The following SLC60A2 variants were observed in gnomAD, a reference collection of about 807,000 sequenced individuals.
SLC60A2 encodes major facilitator superfamily domain containing 4B.
At chr6:111,272,447 A>G in the SLC60A2 span, among the ~76,000 whole-genome samples, 1 of 151,416 alleles carries the variant, frequency 6.6e-6, no homozygotes, top group Non-Finnish European at 1.5e-5. Context: ...TATATACTGG[A>G]TTATTGAACT....
At chr6:111,279,613 G>T in the SLC60A2 span, among the ~76,000 whole-genome samples, 1 of 152,136 alleles carries the variant, frequency 6.6e-6, no homozygotes, top group Non-Finnish European at 1.5e-5. Context: ...CTCCACTGCT[G>T]CTTGGTCCAG....
the SLC60A2 span, chr6:111,265,577 G>A: frequency 6.0e-6 from 1 of 166,402 alleles, no homozygotes; most frequent in South Asian, 2.0e-4. Flanking sequence ...GCAGTCTGAT[G>A]TTAGAACTGT....
chr6:111,270,250 G>A, the SLC60A2 span: 3 of 152,144 alleles, frequency 2.0e-5, no homozygotes, highest in African/African-American at 7.2e-5. Flanking sequence ...CCATATTCTA[G>A]CGTCTAGAAG....
At chr6:111,266,167 G>GT in the SLC60A2 span, 1 of 1,604,688 alleles carries the variant, frequency 6.2e-7, no homozygotes, top group Non-Finnish European at 8.5e-7. Context: ...ATTTTTTTTT[G>GT]TCTGTTTTTA....
the SLC60A2 span, chr6:111,268,772 A>T: frequency 1.3e-5 from 2 of 152,166 alleles, no homozygotes. Flanking sequence ...CAGTGATTGG[A>T]ATACTTGTGT....
the SLC60A2 span, among the ~76,000 whole-genome samples, chr6:111,274,323 T>C: frequency 4.6e-5 from 7 of 152,260 alleles, no homozygotes. Flanking sequence ...TATTCTTGCC[T>C]GGTTTTGGTT....
At chr6:111,275,878 G>A in the SLC60A2 span, among the ~76,000 whole-genome samples, 4 of 152,158 alleles carry the variant, frequency 2.6e-5, no homozygotes, top group African/African-American at 9.7e-5. Flanking sequence ...CTCATCCACA[G>A]AACGTTTTTT....
At chr6:111,275,497 G>GC in the SLC60A2 span, among the ~76,000 whole-genome samples, 2 of 150,938 alleles carry the variant, frequency 1.3e-5, no homozygotes, top group Non-Finnish European at 2.9e-5. Flanking sequence ...GCAACCTCCA[G>GC]CTCCTGGGTT....
the SLC60A2 span, among the ~76,000 whole-genome samples, chr6:111,273,794 C>T: frequency 6.6e-5 from 10 of 152,168 alleles, no homozygotes; most frequent in East Asian, 1.9e-4. Context: ...GGCACAATTA[C>T]GGCTCACTGT....
chr6:111,269,691 G>A, the SLC60A2 span: 3 of 152,172 alleles, frequency 2.0e-5, no homozygotes, highest in Non-Finnish European at 4.4e-5. Flanking sequence ...CTCAGGGAGA[G>A]AAGGATGATG....
At chr6:111,271,167 C>CAAAAAAAAAAAAAAAAAAAAAAAAAA in the SLC60A2 span, 1 of 73,582 alleles carries the variant, frequency 1.4e-5, no homozygotes, top group Non-Finnish European at 2.4e-5. Context: ...GACTCCATCT[C>CAAAAAAAAAAAAAAAAAAAAAAAAAA]AAAAAAAAAA....
the SLC60A2 span, among the ~76,000 whole-genome samples, chr6:111,276,534 G>C: frequency 2.6e-5 from 4 of 152,154 alleles, no homozygotes; most frequent in African/African-American, 9.7e-5. Context: ...TCAAAGTTTT[G>C]TTATCTCTGC....
the SLC60A2 span, chr6:111,278,538 A>G: frequency 7.9e-5 from 12 of 152,158 alleles, no homozygotes; most frequent in Admixed American, 2.6e-4. Flanking sequence ...CATGGGGGCA[A>G]GTCTTTCCCG....
At chr6:111,268,182 C>T in the SLC60A2 span, 1 of 152,198 alleles carries the variant, frequency 6.6e-6, no homozygotes, top group East Asian at 1.9e-4. Context: ...TAAGAATGTG[C>T]TAATGATAAA....
At chr6:111,263,495 A>G in the SLC60A2 span, among the ~76,000 whole-genome samples, 1 of 152,056 alleles carries the variant, frequency 6.6e-6, no homozygotes, top group East Asian at 1.9e-4. Flanking sequence ...TTTTTGCCTC[A>G]TGTCTAAAAA....
chr6:111,266,862 C>G, the SLC60A2 span: 11 of 1,613,512 alleles, frequency 6.8e-6, no homozygotes, highest in Admixed American at 3.3e-5. Context: ...TAGCTCCGGG[C>G]TAAATGAATA....
the SLC60A2 span, among the ~76,000 whole-genome samples, chr6:111,263,300 A>C: frequency 6.6e-6 from 1 of 152,196 alleles, no homozygotes; most frequent in African/African-American, 2.4e-5. Flanking sequence ...TAATATGATA[A>C]AATTGTTTTG....
chr6:111,260,489 CTATT>C, the SLC60A2 span, among the ~76,000 whole-genome samples: 5 of 152,326 alleles, frequency 3.3e-5, no homozygotes, highest in Admixed American at 2.6e-4. Context: ...GCCCACCATC[CTATT>C]TATTAATAAA....
At chr6:111,266,538 A>G in the SLC60A2 span, 4 of 1,614,188 alleles carry the variant, frequency 2.5e-6, no homozygotes, top group South Asian at 1.1e-5. Flanking sequence ...CTGGATAGCA[A>G]CTTCAGTGTA....
Sources: gnomAD v4.1 joint callset for allele counts (sites outside exome capture counted in the v4.1 genomes callset) on GRCh38, gnomAD v4.1.1 for gene constraint, MANE v1.5 for transcripts, NCBI Gene and HGNC (gene_info 2026-07-23, HGNC 2026-07-21) for gene names.